ATP8B4: variants seen among roughly 807,000 people sequenced by gnomAD.
ATP8B4 encodes the protein probable phospholipid-transporting ATPase IM.
Under a neutral mutation model 145.6 loss-of-function variants are expected in ATP8B4, and 133 were observed. The ratio of observed to expected loss-of-function variants is 0.91; its 90% CI spans 0.79 to 1.05. The LOEUF (loss-of-function observed/expected upper bound fraction) is 1.05, where lower values mean the gene tolerates loss of function less well. Among genes scored for constraint, ATP8B4 ranks in the 50% least tolerant of loss-of-function variants. The pLI is 0.00. For synonymous variants in ATP8B4, 507 were observed against 492.9 expected, an observed-to-expected ratio of 1.03 and a Z score of -0.38; for missense variants, 1,458 against 1,425.2, an observed-to-expected ratio of 1.02 and a Z score of -0.37.
At chr15:49,958,305 T>C (rs1188924335) in intron 14 of ATP8B4, among the ~76,000 whole-genome samples, 5 of 151,472 alleles carry the variant, frequency 3.3e-5, no homozygotes, top group Non-Finnish European at 4.4e-5. Flanking sequence ...CCTTAAATAT[T>C]TGTATTCTTA....
At chr15:49,887,452 G>A (rs573828863) in intron 23 of ATP8B4, among the ~76,000 whole-genome samples, 1 of 151,408 alleles carries the variant, frequency 6.6e-6, no homozygotes, top group South Asian at 2.1e-4. Context: ...TCGACACTCT[G>A]ATTTTGGGTG....
intron 9 of ATP8B4, 107 bp downstream of exon 9, chr15:49,996,570 T>C: frequency 5.6e-6 from 5 of 895,852 alleles, no homozygotes; most frequent in Non-Finnish European, 8.3e-6. Flanking sequence ...GAGAATTTGA[T>C]GTCCTTCCAC....
chr15:50,058,544 G>C (rs911981095), intron 3 of ATP8B4, among the ~76,000 whole-genome samples: 3 of 152,164 alleles, frequency 2.0e-5, no homozygotes, highest in Non-Finnish European at 4.4e-5. Context: ...AATAGCACAC[G>C]ATACACAGTC....
chr15:49,986,120 T>G (rs2046577827), intron 10 of ATP8B4, among the ~76,000 whole-genome samples: 1 of 152,198 alleles, frequency 6.6e-6, no homozygotes, highest in Non-Finnish European at 1.5e-5. Context: ...AAGAAGAACT[T>G]GGCCTCTCAG....
intron 9 of ATP8B4, among the ~76,000 whole-genome samples, chr15:49,995,108 G>T (rs2047320279): frequency 6.6e-6 from 1 of 152,122 alleles, no homozygotes; most frequent in Non-Finnish European, 1.5e-5. Context: ...GCATCATAGT[G>T]TAGCCTATCT....
intron 3 of ATP8B4, among the ~76,000 whole-genome samples, chr15:50,063,018 A>G (rs1226125855): frequency 3.9e-5 from 6 of 151,946 alleles, no homozygotes; most frequent in African/African-American, 1.5e-4. Flanking sequence ...AAGTTCAGTT[A>G]TTCATTCTAT....
intron 2 of ATP8B4, among the ~76,000 whole-genome samples, chr15:50,076,982 C>G (rs1467378693): frequency 6.6e-6 from 1 of 152,196 alleles, no homozygotes. Context: ...AAAAAGGACG[C>G]TGAAAACAAA....
At chr15:49,992,176 G>C (rs1016240032) in intron 9 of ATP8B4, among the ~76,000 whole-genome samples, 15 of 152,282 alleles carry the variant, frequency 9.9e-5, no homozygotes, top group African/African-American at 3.4e-4. Context: ...GGTTTAACAA[G>C]ATAATGTGTG....
intron 3 of ATP8B4, among the ~76,000 whole-genome samples, chr15:50,073,013 TATATATAC>T (rs1407635154): frequency 3.5e-3 from 140 of 40,566 alleles, no homozygotes; most frequent in African/African-American, 7.3e-3. Context: ...TATATATATA[TATATATAC>T]ACACACACAC....
intron 12 of ATP8B4, among the ~76,000 whole-genome samples, chr15:49,979,307 T>G (rs1025539268): frequency 6.6e-6 from 1 of 152,148 alleles, no homozygotes; most frequent in Admixed American, 6.6e-5. Flanking sequence ...CTTCCTTTTC[T>G]TACTCAAAAT....
At chr15:50,159,828 T>C (rs2044488250) in intron 1 of ATP8B4, among the ~76,000 whole-genome samples, 1 of 152,216 alleles carries the variant, frequency 6.6e-6, no homozygotes, top group African/African-American at 2.4e-5. Flanking sequence ...TAAATCCCAC[T>C]TGGTCATGAT....
intron 27 of ATP8B4, among the ~76,000 whole-genome samples, chr15:49,861,420 GTGTGTCTGTC>G (rs1449756113): frequency 1.5e-4 from 20 of 133,494 alleles, no homozygotes; most frequent in African/African-American, 3.6e-4. Flanking sequence ...GTGTGTGTGT[GTGTGTCTGTC>G]TGTCTGTCTG....
At chr15:50,179,584 T>C (rs1018471384) in intron 1 of ATP8B4, among the ~76,000 whole-genome samples, 1 of 152,192 alleles carries the variant, frequency 6.6e-6, no homozygotes, top group Non-Finnish European at 1.5e-5. Context: ...ATTCATATAT[T>C]GAAATCCTAA....
chr15:50,138,776 C>A (rs1341980834), intron 1 of ATP8B4, among the ~76,000 whole-genome samples: 3 of 152,168 alleles, frequency 2.0e-5, no homozygotes, highest in African/African-American at 7.2e-5. Context: ...TTATTGTTCT[C>A]TTATACCCAT....
intron 9 of ATP8B4, among the ~76,000 whole-genome samples, chr15:49,993,940 C>T (rs1269549737): frequency 6.6e-6 from 1 of 151,950 alleles, no homozygotes. Flanking sequence ...GTGAGTTGCC[C>T]ATTCTGTATG....
chr15:49,986,982 G>A (rs1329746194), intron 10 of ATP8B4, among the ~76,000 whole-genome samples: 2 of 150,546 alleles, frequency 1.3e-5, no homozygotes, highest in Admixed American at 1.4e-4. Context: ...TTTTCCAAAT[G>A]GTCTGCTTGA....
At chr15:50,048,128 C>T (rs939689030) in intron 3 of ATP8B4, among the ~76,000 whole-genome samples, 9 of 151,844 alleles carry the variant, frequency 5.9e-5, no homozygotes, top group Non-Finnish European at 8.8e-5. Flanking sequence ...ATGATCCTGT[C>T]GTCAGGTAAA....
intron 14 of ATP8B4, among the ~76,000 whole-genome samples, chr15:49,941,025 C>T (rs2042126011): frequency 5.9e-5 from 9 of 152,002 alleles, no homozygotes; most frequent in Admixed American, 5.9e-4. Context: ...CCAAGCCACA[C>T]CTTTTTGAAT....
intron 14 of ATP8B4, among the ~76,000 whole-genome samples, chr15:49,956,664 C>G (rs139436477): frequency 3.3e-5 from 5 of 152,146 alleles, no homozygotes; most frequent in Non-Finnish European, 5.9e-5. Flanking sequence ...ATCTCAGCCT[C>G]TCAAGTGTCT....
Sources: gnomAD v4.1 joint callset for allele counts (sites outside exome capture counted in the v4.1 genomes callset) on GRCh38, gnomAD v4.1.1 for gene constraint, MANE v1.5 for transcripts, NCBI Gene and HGNC (gene_info 2026-07-23, HGNC 2026-07-21) for gene names.